Variants in ECT2 observed in about 807,000 individuals in gnomAD.
The protein encoded by ECT2 is protein ECT2.
A neutral mutation model predicts 116.9 loss-of-function variants in ECT2; 61 were observed. The ratio of observed to expected loss-of-function variants is 0.52; its 90% CI spans 0.42 to 0.65. The LOEUF (loss-of-function observed/expected upper bound fraction) is 0.65. Ranked by LOEUF, ECT2 falls within the 30% of genes least tolerant of loss-of-function variation. ECT2 has a pLI of 0.00. For synonymous variants in ECT2, 358 were observed against 346.4 expected (o/e 1.03, Z -0.37); for missense variants, 937 against 1,078.7 (o/e 0.87, Z 1.84).
chr3:172,807,840 G>T lies in ECT2; in HGVS notation c.2316G>T (p.Gln772His). 6.2e-7 allele frequency: 1 copy of T among 1,613,984 alleles called. No homozygotes were observed. Among genetic ancestry groups the T allele is most frequent in the Non-Finnish European group, 8.5e-7 (1 of 1,179,878 alleles). Residue 772 changes from glutamine (Q) to histidine (H), a missense_variant, in exon 22 of 25, where the codon CAG becomes CAT. By Grantham distance (24) the Gln-to-His change is conservative. Transcript: ENST00000392692. ...AGGCAAATGTGCTACTCAGTTTCCAGATGACATCAGATGAACTTCCAAAAG... is the reference window on the plus strand; with the variant it reads ...AGGCAAATGTGCTACTCAGTTTCCATATGACATCAGATGAACTTCCAAAAG... ...TEQANVLLSF[Q>H]MTSDELPKEN...
At chr3:172,787,165 C>G (rs1316959099) in intron 18 of ECT2, among the ~76,000 whole-genome samples, 1 of 152,150 alleles carries the variant, frequency 6.6e-6, no homozygotes, top group Non-Finnish European at 1.5e-5. Context: ...GGAAAACTCT[C>G]TTACCATTAA....
In ECT2 at chr3:172,786,568, T is replaced by A; in HGVS notation, c.1901T>A (p.Val634Glu). The A allele has an allele frequency of 6.2e-7, 1 of 1,603,570 alleles. No homozygotes were observed. The highest frequency in any genetic ancestry group is 8.5e-7 in the Non-Finnish European group (1 of 1,172,216). The change falls in exon 18 of 25, where the codon GTA (valine) becomes GAA (glutamate). Residue 634 changes from valine to glutamate, a missense_variant. By Grantham distance (121) the Val-to-Glu change is moderately radical. Coordinates refer to ENST00000392692, the MANE Select transcript of ECT2 (RefSeq NM_001258315.2). ...LEKAIGSLKE[V>E]MTHINEDKRK... is the part of the protein sequence containing the mutation. ...AAAGCTATTGGATCACTGAAGGAAG[T>A]AATGACGTAAGTGCATTATTTTCAA... is the stretch of plus-strand genomic sequence containing the variant.
chr3:172,800,002 A>C (rs887387402), intron 18 of ECT2, among the ~76,000 whole-genome samples: 1 of 152,176 alleles, frequency 6.6e-6, no homozygotes, highest in East Asian at 1.9e-4. Context: ...TAGACCCTCT[A>C]TATCTTCCCC....
intron 23 of ECT2, among the ~76,000 whole-genome samples, chr3:172,816,436 GAGA>G (rs1025550131): frequency 2.6e-5 from 4 of 152,056 alleles, no homozygotes; most frequent in Non-Finnish European, 5.9e-5. Flanking sequence ...GGCTGAATCA[GAGA>G]AGAACTTAGG....
At position 172,784,010 on chromosome 3, in the gene ECT2, T is replaced by TATCCATTA. The variant is rs1723174461; in HGVS notation, c.1728+104_1728+111dup. ...AGTAAATTTTAACTTTAGTAAAATG[T>TATCCATTA]ATCCATTAATATCTGTTAATTTTAG... On this transcript the variant is annotated intron_variant, in intron 16 of 24. Transcript: ENST00000392692. 1.5e-5 allele frequency: 11 copies of TATCCATTA among 749,918 alleles called. 1 individual carries two copies. The South Asian group carries it at 2.0e-4, about 14-fold the overall frequency. The allele number at this position is 749,918 out of a possible 1,614,324, so 46.5% of individuals were successfully genotyped here.
Position 172,802,882 on chromosome 3 carries a change from C to G in ECT2, c.2008C>G (p.Arg670Gly). 6.2e-7 allele frequency: 1 copy of G among 1,612,618 alleles called. No individual in the cohort carries two copies. Among genetic ancestry groups the G allele is most frequent in the Non-Finnish European group, 8.5e-7 (1 of 1,179,332 alleles). Reference sequence around the variant, plus strand: ...ACAGGCTAATCTTTTATCTTCTCACCGAAGCTTAGTACAGCGGGTTGAAAC... The same window carrying G: ...ACAGGCTAATCTTTTATCTTCTCACGGAAGCTTAGTACAGCGGGTTGAAAC... ...GCPANLLSSH[R>G]SLVQRVETIS... Residue 670 changes from arginine (R) to glycine (G), a missense_variant, in exon 20 of 25, where the codon CGA becomes GGA. Physicochemically the swap from Arg to Gly is moderately radical, Grantham distance 125. Coordinates refer to ENST00000392692, the MANE Select transcript of ECT2 (RefSeq NM_001258315.2).
chr3:172,778,349 C>T (rs558680081), intron 14 of ECT2, among the ~76,000 whole-genome samples: 6 of 152,222 alleles, frequency 3.9e-5, no homozygotes, highest in Admixed American at 2.6e-4. Flanking sequence ...TAAATTGTAT[C>T]GGGCATTTTC....
chr3:172,757,297 C>A, intron 5 of ECT2, 132 bp downstream of exon 5: 1 of 627,790 alleles, frequency 1.6e-6, no homozygotes, highest in Non-Finnish European at 2.5e-6. Context: ...ATAATAGTGG[C>A]TATTCTAATG....
At chr3:172,810,618 C>A (rs1405037792) in intron 22 of ECT2, among the ~76,000 whole-genome samples, 2 of 152,030 alleles carry the variant, frequency 1.3e-5, no homozygotes, top group African/African-American at 4.8e-5. Context: ...GAGGAAAACA[C>A]TGAGGCACAG....
chr3:172,808,253 G>T (rs1193875523), intron 22 of ECT2, among the ~76,000 whole-genome samples: 4 of 151,848 alleles, frequency 2.6e-5, no homozygotes, highest in Admixed American at 2.6e-4. Flanking sequence ...AAATTAGAGA[G>T]TATTTAGAGA....
intron 14 of ECT2, among the ~76,000 whole-genome samples, chr3:172,776,191 GTTTTTTCT>G (rs1380293554): frequency 4.3e-4 from 46 of 106,992 alleles, no homozygotes; most frequent in South Asian, 2.0e-3. Context: ...TAGTTTTTCA[GTTTTTTCT>G]TTTTTTTTTT....
intron 18 of ECT2, among the ~76,000 whole-genome samples, chr3:172,794,714 ATATTAT>A (rs1442985179): frequency 6.6e-6 from 1 of 151,896 alleles, no homozygotes; most frequent in Non-Finnish European, 1.5e-5. Flanking sequence ...TATCTTAGCA[ATATTAT>A]TATTATTATT....
intron 4 of ECT2, 131 bp from the exon 5 acceptor site, chr3:172,756,852 G>C (rs1255926706): frequency 1.3e-6 from 1 of 781,710 alleles, no homozygotes; most frequent in Non-Finnish European, 2.0e-6. Context: ...TTGTGTGATA[G>C]AAACTTATTT....
chr3:172,757,278 A>G (rs1717179180), intron 5 of ECT2, 113 bp downstream of exon 5: 1 of 757,662 alleles, frequency 1.3e-6, no homozygotes, highest in African/African-American at 1.8e-5. Flanking sequence ...CAAAATATTT[A>G]GAATAGGAAT....
chr3:172,782,712 C>T (rs887446695), intron 15 of ECT2, among the ~76,000 whole-genome samples: 3 of 152,098 alleles, frequency 2.0e-5, no homozygotes, highest in Non-Finnish European at 2.9e-5. Context: ...CCAGTAGGCC[C>T]CAGGTATGTG....
chr3:172,809,930 A>AT (rs1728463409), intron 22 of ECT2, among the ~76,000 whole-genome samples: 1 of 152,146 alleles, frequency 6.6e-6, no homozygotes, highest in African/African-American at 2.4e-5. Context: ...CTTTCTCCCC[A>AT]TGGATGTCAT....
At chr3:172,814,210 CAGT>C (rs1009823229) in intron 22 of ECT2, among the ~76,000 whole-genome samples, 41 of 152,132 alleles carry the variant, frequency 2.7e-4, no homozygotes, top group African/African-American at 5.1e-4. Context: ...GTCTATCTAT[CAGT>C]GGTGGAGAGC....
chr3:172,778,867 T>A (rs1722224624), intron 14 of ECT2, among the ~76,000 whole-genome samples: 1 of 152,140 alleles, frequency 6.6e-6, no homozygotes, highest in Non-Finnish European at 1.5e-5. Context: ...AGTGCTGGGA[T>A]TACAGGCATG....
rs1716848816 is a variant in ECT2, at chr3:172,755,681, T to G, written c.303+106T>G. 4.0e-5 allele frequency: 20 copies of G among 499,644 alleles called. No homozygotes were observed. In the South Asian group the frequency reaches 7.1e-4, roughly 18 times the overall value. 31.0% of individuals were successfully genotyped at this position (499,644 alleles called of 1,614,324 possible). A position where few individuals can be genotyped will look rare whatever the true frequency, so the allele number is the denominator to read the frequency against. ...GGCACAAGGTGTATTGTGTGCAATC[T>G]GAAGCTTAATGAATAGAAACTGTTT... On this transcript the variant is annotated intron_variant, in intron 4 of 24. Coordinates refer to ENST00000392692, the MANE Select transcript of ECT2 (RefSeq NM_001258315.2).
Sources: gnomAD v4.1 joint callset for allele counts (sites outside exome capture counted in the v4.1 genomes callset) on GRCh38, gnomAD v4.1.1 for gene constraint, MANE v1.5 for transcripts, NCBI Gene and HGNC (gene_info 2026-07-23, HGNC 2026-07-21) for gene names.